CTNNA3: variants seen among roughly 807,000 people sequenced by gnomAD.
CTNNA3 encodes the protein catenin alpha-3.
Under a neutral mutation model 95.7 loss-of-function variants are expected in CTNNA3, and 76 were observed. The ratio of observed to expected loss-of-function variants is 0.79; its 90% CI spans 0.66 to 0.96. The LOEUF is 0.96. CTNNA3 is among the 40% of genes least tolerant of loss of function. The pLI is 0.00. For missense variants in CTNNA3, 1,191 were observed against 1,089.8 expected (o/e 1.09, Z -1.31); for synonymous variants, 431 against 374.4 (o/e 1.15, Z -1.74).
intron 7 of CTNNA3, among the ~76,000 whole-genome samples, chr10:66,818,882 G>A (rs956415630): frequency 1.3e-5 from 2 of 152,066 alleles, no homozygotes; most frequent in South Asian, 4.1e-4. Context: ...TTGAGGCCAG[G>A]AGTTTGAGAC....
chr10:66,300,575 T>C (rs1261843917), intron 12 of CTNNA3, among the ~76,000 whole-genome samples: 1 of 151,596 alleles, frequency 6.6e-6, no homozygotes, highest in Non-Finnish European at 1.5e-5. Context: ...TACTAGATGA[T>C]GAGAAAGATA....
intron 5 of CTNNA3, among the ~76,000 whole-genome samples, chr10:67,224,790 G>A (rs1409008073): frequency 6.6e-6 from 1 of 152,208 alleles, no homozygotes; most frequent in Non-Finnish European, 1.5e-5. Flanking sequence ...AGAGAAGCAG[G>A]GGTTGGGGGA....
At position 66,960,752 on chromosome 10, in the gene CTNNA3, T is replaced by C. The variant is rs572061556; in HGVS notation, c.1048-185228A>G. Among the ~76,000 whole-genome samples, 10 of 152,256 alleles carry C rather than the reference T, an allele frequency of 6.6e-5. No individual in the cohort carries two copies. The South Asian group carries it at 2.1e-3, about 32-fold the overall frequency. On this transcript the variant is annotated intron_variant, in intron 7 of 17. Coordinates refer to ENST00000433211, the MANE Select transcript of CTNNA3 (RefSeq NM_013266.4). ...AAATACAGAACAGAACAGAATGGCA[T>C]AGGATCTATGGTGGATAGCAACTTT...
At chr10:67,025,707 C>T (rs1853327898) in intron 7 of CTNNA3, among the ~76,000 whole-genome samples, 1 of 152,086 alleles carries the variant, frequency 6.6e-6, no homozygotes, top group Non-Finnish European at 1.5e-5. Flanking sequence ...AAGTATTGTT[C>T]TTAGTTACAT....
chr10:66,938,886 T>C (rs1589453795), intron 7 of CTNNA3, among the ~76,000 whole-genome samples: 1 of 152,148 alleles, frequency 6.6e-6, no homozygotes, highest in African/African-American at 2.4e-5. Flanking sequence ...AGAGGCTAGG[T>C]AGTCAACGTT....
At chr10:67,212,550 T>C (rs1220855160) in intron 6 of CTNNA3, among the ~76,000 whole-genome samples, 2 of 151,900 alleles carry the variant, frequency 1.3e-5, no homozygotes, top group African/African-American at 4.8e-5. Context: ...TTAAAGGGAG[T>C]GTTTTTAATT....
chr10:67,300,143 T>G (rs1412972477), intron 5 of CTNNA3, among the ~76,000 whole-genome samples: 1 of 152,124 alleles, frequency 6.6e-6, no homozygotes, highest in Non-Finnish European at 1.5e-5. Context: ...GCCCCCAACA[T>G]AAGTCTGACA....
At chr10:66,321,068 T>G (rs2092178040) in intron 12 of CTNNA3, among the ~76,000 whole-genome samples, 1 of 152,122 alleles carries the variant, frequency 6.6e-6, no homozygotes, top group Non-Finnish European at 1.5e-5. Context: ...TCTGTACAGC[T>G]TCAGGAGTCC....
chr10:66,030,539 C>T (rs2079430309), intron 15 of CTNNA3, among the ~76,000 whole-genome samples: 1 of 152,124 alleles, frequency 6.6e-6, no homozygotes, highest in Non-Finnish European at 1.5e-5. Context: ...CTAGCCATCA[C>T]CATATACAAA....
chr10:66,351,373 T>G (rs910026389), intron 12 of CTNNA3, among the ~76,000 whole-genome samples: 1 of 152,008 alleles, frequency 6.6e-6, no homozygotes, highest in South Asian at 2.1e-4. Flanking sequence ...GTTAAATAAC[T>G]TACCTACAAT....
At chr10:67,026,359 T>G (rs1853390774) in intron 7 of CTNNA3, among the ~76,000 whole-genome samples, 1 of 152,040 alleles carries the variant, frequency 6.6e-6, no homozygotes, top group South Asian at 2.1e-4. Flanking sequence ...TTTGGAACAT[T>G]TTGTAAATAT....
rs1256104440 is a variant in CTNNA3 at position 66,397,297 on chromosome 10, T to TCTTATAG, written c.1532-17952_1532-17946dup. ...TAGCCATTGTTATTAAACAGAGAAC[T>TCTTATAG]CTTATAGCTAAGGCTTAGGGAACTA... On this transcript the variant is annotated intron_variant, in intron 11 of 17. Transcript: ENST00000433211. 7.2e-5 allele frequency among the ~76,000 whole-genome samples: 11 copies of TCTTATAG among 151,900 alleles called. No homozygotes were observed. The East Asian group carries it at 2.1e-3, about 29-fold the overall frequency.
At chr10:67,630,359 C>T (rs978332324) in intron 2 of CTNNA3, among the ~76,000 whole-genome samples, 2 of 152,164 alleles carry the variant, frequency 1.3e-5, no homozygotes, top group Non-Finnish European at 2.9e-5. Flanking sequence ...GGAGTTCTCG[C>T]ATGATTTATC....
At chr10:66,227,380 T>G (rs12218671) in intron 13 of CTNNA3, among the ~76,000 whole-genome samples, 1 of 137,272 alleles carries the variant, frequency 7.3e-6, no homozygotes. Flanking sequence ...GAGGTGTTTT[T>G]TTTTTTTTCA....
chr10:67,490,614 A>T (rs1848611465), intron 5 of CTNNA3, among the ~76,000 whole-genome samples: 1 of 152,196 alleles, frequency 6.6e-6, no homozygotes, highest in Admixed American at 6.5e-5. Context: ...GGAGAACCAT[A>T]CTGAAAACAG....
intron 5 of CTNNA3, among the ~76,000 whole-genome samples, chr10:67,238,873 C>A (rs189625886): frequency 6.6e-6 from 1 of 152,028 alleles, no homozygotes; most frequent in East Asian, 1.9e-4. Flanking sequence ...ACCTCATTAT[C>A]TAGTAGTATA....
chr10:66,472,165 C>T (rs1182869734), intron 11 of CTNNA3, among the ~76,000 whole-genome samples: 3 of 151,882 alleles, frequency 2.0e-5, no homozygotes, highest in South Asian at 4.2e-4. Context: ...TGGCCAAGTA[C>T]CTTGGCAGAA....
At chr10:66,746,552 C>T (rs892869498) in intron 9 of CTNNA3, among the ~76,000 whole-genome samples, 1 of 152,118 alleles carries the variant, frequency 6.6e-6, no homozygotes, top group Non-Finnish European at 1.5e-5. Context: ...TAAGTCCTCA[C>T]ACATTAGCTA....
intron 5 of CTNNA3, among the ~76,000 whole-genome samples, chr10:67,470,375 A>C (rs1847770910): frequency 6.6e-6 from 1 of 152,138 alleles, no homozygotes. Flanking sequence ...CTGCTTCCAA[A>C]TCTTAGCTAT....
Sources: gnomAD v4.1 joint callset for allele counts (sites outside exome capture counted in the v4.1 genomes callset) on GRCh38, gnomAD v4.1.1 for gene constraint, MANE v1.5 for transcripts, NCBI Gene and HGNC (gene_info 2026-07-23, HGNC 2026-07-21) for gene names.